PAGE2B: variants seen among roughly 807,000 people sequenced by gnomAD.
PAGE2B encodes the protein PAGE family member 2B, also known as putative G antigen family E member 3.
In PAGE2B, 5 loss-of-function variants were observed where a neutral mutation model predicts 7.6. That is an observed-to-expected ratio of 0.66 (90% CI 0.34 to 1.38). PAGE2B has a LOEUF of 1.38. Ranked by LOEUF, PAGE2B falls within the 40% of genes most tolerant of loss-of-function variation. The pLI, the probability that PAGE2B is intolerant of heterozygous loss-of-function variation, is 0.04. For missense variants in PAGE2B, 70 were observed against 78.4 expected (o/e 0.89, Z 0.41); for synonymous variants, 29 against 26.7 (o/e 1.09, Z -0.27).
the PAGE2B span, among the ~76,000 whole-genome samples, chrX:55,031,406 G>A: frequency 3.6e-5 from 4 of 111,613 alleles, no homozygotes; most frequent in Admixed American, 1.9e-4. Flanking sequence ...CTAGATCCCC[G>A]GTTGTTGTAA....
At chrX:55,071,395 A>G (rs1033657849), upstream of PAGE2B, among the ~76,000 whole-genome samples, 2 of 111,776 alleles carry the variant, frequency 1.8e-5, no homozygotes, top group Non-Finnish European at 3.8e-5. Context: ...CTTCTGGCTT[A>G]TAGGGTTTCT....
the PAGE2B span, among the ~76,000 whole-genome samples, chrX:55,049,140 A>G: frequency 9.0e-6 from 1 of 111,421 alleles, no homozygotes; most frequent in African/African-American, 3.3e-5. Context: ...CCAGCCTTGC[A>G]TCCCAGGGAT....
chrX:55,077,187 CA>C, intron 3 of PAGE2B, among the ~76,000 whole-genome samples: 1 of 111,575 alleles, frequency 9.0e-6, no homozygotes, highest in East Asian at 2.8e-4. Flanking sequence ...CAAATGAGTA[CA>C]AAAGGGACAA....
At chrX:55,073,069 A>G (rs187121159), upstream of PAGE2B, among the ~76,000 whole-genome samples, 1 of 111,168 alleles carries the variant, frequency 9.0e-6, no homozygotes, top group Non-Finnish European at 1.9e-5. Flanking sequence ...TTTCCAGGAG[A>G]GTGAACAGTT....
At chrX:55,067,417 T>A in the PAGE2B span, among the ~76,000 whole-genome samples, 2 of 111,948 alleles carry the variant, frequency 1.8e-5, no homozygotes, top group Non-Finnish European at 3.8e-5. Context: ...TATTCCATGG[T>A]GTACATGTGC....
chrX:55,066,693 CT>C, the PAGE2B span, among the ~76,000 whole-genome samples: 2 of 111,443 alleles, frequency 1.8e-5, no homozygotes, highest in Non-Finnish European at 3.8e-5. Flanking sequence ...TTTCTTTTCT[CT>C]TGCTGCTTTT....
chrX:55,062,714 G>A, the PAGE2B span, among the ~76,000 whole-genome samples: 1 of 111,484 alleles, frequency 9.0e-6, no homozygotes, highest in Non-Finnish European at 1.9e-5. Flanking sequence ...GTTTTCCTTT[G>A]GTGGTTTCAT....
At chrX:55,071,167 T>TG (rs1936445330), upstream of PAGE2B, among the ~76,000 whole-genome samples, 2 of 110,246 alleles carry the variant, frequency 1.8e-5, no homozygotes, top group African/African-American at 6.5e-5. Context: ...TTTGTTTGTT[T>TG]TTTTTGCAGT....
chrX:55,036,419 A>G, the PAGE2B span, among the ~76,000 whole-genome samples: 2 of 111,278 alleles, frequency 1.8e-5, no homozygotes, highest in Non-Finnish European at 3.8e-5. Context: ...TCCATTCAGT[A>G]TGATACTGGC....
the PAGE2B span, among the ~76,000 whole-genome samples, chrX:55,034,734 GACAC>G: frequency 1.3e-4 from 14 of 104,852 alleles, no homozygotes; most frequent in Admixed American, 1.1e-3. Flanking sequence ...ACTAATAGGA[GACAC>G]ACACACACAC....
At chrX:55,077,319 A>C in intron 3 of PAGE2B, 80 bp from the exon 4 acceptor site, 1 of 1,179,771 alleles carries the variant, frequency 8.5e-7, no homozygotes, top group Non-Finnish European at 1.1e-6. Context: ...CTTCATAATG[A>C]TGAGGGAATA....
intron 3 of PAGE2B, 140 bp downstream of exon 3, chrX:55,076,817 G>T (rs1320156026): frequency 6.6e-6 from 4 of 602,094 alleles, no homozygotes; most frequent in Non-Finnish European, 1.0e-5. Flanking sequence ...GTGTGGAGGG[G>T]TGGGACAAGG....
At chrX:55,052,924 G>A in the PAGE2B span, among the ~76,000 whole-genome samples, 1 of 112,582 alleles carries the variant, frequency 8.9e-6, no homozygotes, top group Admixed American at 9.3e-5. Context: ...TTCCTATTCG[G>A]CCATCTTGGC....
chrX:55,073,883 A>G (rs1463670563), upstream of PAGE2B, among the ~76,000 whole-genome samples: 1 of 111,562 alleles, frequency 9.0e-6, no homozygotes, highest in Admixed American at 9.5e-5. Flanking sequence ...TTAATTTTGT[A>G]TCTTGAAGCT....
At chrX:55,053,995 C>T in the PAGE2B span, among the ~76,000 whole-genome samples, 1 of 111,732 alleles carries the variant, frequency 8.9e-6, no homozygotes, top group African/African-American at 3.3e-5. Flanking sequence ...GCAGGTGGAT[C>T]ACAAGGTCAA....
the PAGE2B span, among the ~76,000 whole-genome samples, chrX:55,056,603 G>A: frequency 9.1e-6 from 1 of 110,412 alleles, no homozygotes; most frequent in African/African-American, 3.3e-5. Flanking sequence ...ATGGCCTGGG[G>A]GTGATTTAAA....
chrX:55,049,110 A>G, the PAGE2B span, among the ~76,000 whole-genome samples: 1 of 111,441 alleles, frequency 9.0e-6, no homozygotes, highest in East Asian at 2.8e-4. Context: ...GATTACATTT[A>G]TTGATTTGCA....
chrX:55,073,480 A>C (rs1023037866), upstream of PAGE2B, among the ~76,000 whole-genome samples: 3 of 111,584 alleles, frequency 2.7e-5, no homozygotes, highest in African/African-American at 9.8e-5. Context: ...TGGGAGTTGC[A>C]GACCAAAGCT....
chrX:55,060,350 A>G, the PAGE2B span, among the ~76,000 whole-genome samples: 3 of 110,556 alleles, frequency 2.7e-5, no homozygotes, highest in African/African-American at 9.9e-5. Flanking sequence ...TTGTGGCTTT[A>G]ATTTGTGTTT....
Sources: gnomAD v4.1 joint callset for allele counts (sites outside exome capture counted in the v4.1 genomes callset) on GRCh38, gnomAD v4.1.1 for gene constraint, MANE v1.5 for transcripts, NCBI Gene and HGNC (gene_info 2026-07-23, HGNC 2026-07-21) for gene names.